The following PHB2 variants were observed in gnomAD, a reference collection of about 807,000 sequenced individuals.
PHB2 encodes the protein prohibitin-2.
In PHB2, 22 loss-of-function variants were observed where a neutral mutation model predicts 46.4. The ratio of observed to expected loss-of-function variants is 0.47; its 90% CI spans 0.34 to 0.68. The LOEUF is 0.68. PHB2 is among the 30% of genes least tolerant of loss of function. The pLI, the probability that PHB2 is intolerant of heterozygous loss-of-function variation, is 0.01. For missense variants in PHB2, 305 were observed against 382.8 expected (o/e 0.80, Z 1.70); for synonymous variants, 156 against 150.5 (o/e 1.04, Z -0.27).
chr12:6,970,617 G>C lies in PHB2; in HGVS notation c.-74C>G. ...CCGCCTCTACCCCGCTCCGGCTTAG[G>C]TACTGCACCCTTCACACGAGGGTTC... On this transcript the variant is annotated 5_prime_UTR_variant, in exon 1 of 10. Coordinates refer to ENST00000535923, the MANE Select transcript of PHB2 (RefSeq NM_001144831.2). 6.7e-7 allele frequency: 1 copy of C among 1,490,982 alleles called. No individual in the cohort carries two copies. The highest frequency in any genetic ancestry group is 9.0e-7 in the Non-Finnish European group (1 of 1,115,128). 92.4% of individuals were successfully genotyped at this position (1,490,982 alleles called of 1,614,324 possible).
rs782656809 is a variant in PHB2 at position 6,965,694 on chromosome 12, A to G, written c.891T>C (p.Gly297=). The change falls in exon 10 of 10, where the codon GGT becomes GGC. Residue 297 remains glycine, a synonymous_variant. Transcript: ENST00000535923. ...FTRGSDSLIK[G]KK ...TTCTTGGTGACTAGGCTCATTTCTTACCCTTGATGAGGCTGTCACTGTAGG... is the reference window on the plus strand; with the variant it reads ...TTCTTGGTGACTAGGCTCATTTCTTGCCCTTGATGAGGCTGTCACTGTAGG... 1.9e-6 allele frequency: 3 copies of G among 1,611,796 alleles called. No homozygotes were observed. The African/African-American group carries it at 4.0e-5, about 22-fold the overall frequency.
intron 3 of PHB2, 70 bp downstream of exon 3, chr12:6,969,428 C>T (rs1256257827): frequency 1.2e-6 from 1 of 807,896 alleles, no homozygotes; most frequent in Admixed American, 2.1e-5. Flanking sequence ...CTACCATATT[C>T]CCCTGGGGTT....
At chr12:6,965,797 C>G in intron 9 of PHB2, 85 bp from the exon 10 acceptor site, 1 of 1,546,228 alleles carries the variant, frequency 6.5e-7, no homozygotes, top group Non-Finnish European at 8.9e-7. Flanking sequence ...CCCTCTACGA[C>G]CCTCCTACCC....
chr12:6,967,351 T>TTGCG lies in PHB2; in HGVS notation c.712-107_712-104dup, dbSNP rs781935388. On this transcript the variant is annotated intron_variant, in intron 6 of 9. Transcript: ENST00000535923. This position sits in a 1 kb window ranked among gnomAD's most constrained non-coding sequence, Gnocchi z 4.9. ...CTCCTCTGGGCTGTCAGATCCAAGGTTGCGCTCAGGTGGCTTGTGCCCAGC... is the reference window on the plus strand; with the variant it reads ...CTCCTCTGGGCTGTCAGATCCAAGGTTGCGTGCGCTCAGGTGGCTTGTGCCCAGC... The TTGCG allele has an allele frequency of 3.1e-6, 5 of 1,611,148 alleles. No individual in the cohort carries two copies. Among genetic ancestry groups the TTGCG allele is most frequent in the Non-Finnish European group, 3.4e-6 (4 of 1,178,710 alleles).
At position 6,967,800 on chromosome 12, in the gene PHB2, G is replaced by A. The variant is rs1555151135; in HGVS notation, c.608-21C>T. 6 of 1,611,082 alleles carry A rather than the reference G, an allele frequency of 3.7e-6. No homozygotes were observed. Among genetic ancestry groups the A allele is most frequent in the Admixed American group, 1.7e-5 (1 of 59,894 alleles). Reference sequence around the variant, plus strand: ...CTGGGCTGTGGTGGGAGAGAGTCAGGGAGACCCTGTCCTGGGTCAGGAGCC... The same window carrying A: ...CTGGGCTGTGGTGGGAGAGAGTCAGAGAGACCCTGTCCTGGGTCAGGAGCC... On this transcript the variant is annotated intron_variant, in intron 5 of 9. Transcript: ENST00000535923. This position sits in a 1 kb window ranked among gnomAD's most constrained non-coding sequence, Gnocchi z 4.9.
At chr12:6,969,241 G>C (rs1454720034) in intron 3 of PHB2, among the ~76,000 whole-genome samples, 1 of 152,200 alleles carries the variant, frequency 6.6e-6, no homozygotes, top group Non-Finnish European at 1.5e-5. Flanking sequence ...ACAAAGCTTT[G>C]ATCTAGGCAG....
chr12:6,968,175 G>A (rs1052108985), intron 4 of PHB2, among the ~76,000 whole-genome samples, 154 bp from the exon 5 acceptor site: 3 of 152,180 alleles, frequency 2.0e-5, no homozygotes, highest in African/African-American at 7.2e-5. Flanking sequence ...CTCTCTGCTC[G>A]AAGAGGTGCA....
At chr12:6,968,884 G>A (rs1233666221) in intron 3 of PHB2, among the ~76,000 whole-genome samples, 5 of 152,158 alleles carry the variant, frequency 3.3e-5, no homozygotes, top group African/African-American at 9.7e-5. Context: ...GTGCTGTACC[G>A]TAATCATGTC....
intron 2 of PHB2, 176 bp downstream of exon 2, chr12:6,970,020 G>T: frequency 1.4e-6 from 1 of 706,756 alleles, no homozygotes; most frequent in Non-Finnish European, 2.6e-6. Context: ...TGTCCCTCTG[G>T]AAAACAACAG....
At position 6,968,497 on chromosome 12, in the gene PHB2, G is replaced by C. The variant is rs782322400; in HGVS notation, c.391C>G (p.Arg131Gly). Reference sequence around the variant, plus strand: ...TCGTTGACAATGGACGGCAACACTCGTTCCTCGTAGTCCAGCCCTAGGCGC... The same window carrying C: ...TCGTTGACAATGGACGGCAACACTCCTTCCTCGTAGTCCAGCCCTAGGCGC... Reference protein sequence around the residue: ...YQRLGLDYEERVLPSIVNEVL... With the variant: ...YQRLGLDYEEGVLPSIVNEVL... The change falls in exon 4 of 10, where the codon CGA becomes GGA. Residue 131 changes from arginine to glycine, a missense_variant. Arg to Gly is a moderately radical substitution (Grantham distance 125). This residue lies in a region of PHB2 where 241 missense variants were observed against 302.7 expected (regional missense o/e 0.80). Coordinates refer to ENST00000535923, the MANE Select transcript of PHB2 (RefSeq NM_001144831.2). 1 of 1,613,340 alleles carries C rather than the reference G, an allele frequency of 6.2e-7. No individual in the cohort carries two copies.
rs1946204757 is a variant in PHB2, at chr12:6,965,923, T to C, written c.867-7A>G. ...AACAACAGCTTACCTTCCCCTGTGG[T>C]GCCAGATCGCCAGATGAACAAGAAA... On this transcript the variant is annotated splice_polypyrimidine_tract_variant and splice_region_variant and intron_variant, in intron 8 of 9. Transcript: ENST00000535923. The C allele has an allele frequency of 1.9e-6, 3 of 1,598,652 alleles. No individual in the cohort carries two copies. The African/African-American group carries it at 4.0e-5, about 21-fold the overall frequency.
chr12:6,965,719 G>GA lies in PHB2; in HGVS notation c.873-8dup. On this transcript the variant is annotated splice_region_variant and splice_polypyrimidine_tract_variant and intron_variant, in intron 9 of 9. Transcript: ENST00000535923. ...ACCCTTGATGAGGCTGTCACTGTAG[G>GA]AAAAAAAAGATAGATAATGACATTA... 9.3e-6 allele frequency: 15 copies of GA among 1,609,244 alleles called. No individual in the cohort carries two copies. The highest frequency in any genetic ancestry group is 1.7e-5 in the Admixed American group (1 of 59,818).
chr12:6,968,162 A>C, intron 4 of PHB2, 141 bp from the exon 5 acceptor site: 1 of 829,790 alleles, frequency 1.2e-6, no homozygotes, highest in Non-Finnish European at 1.9e-6. Flanking sequence ...CTGTAACATA[A>C]GCCTCTCTGC....
intron 9 of PHB2, 69 bp from the exon 10 acceptor site, chr12:6,965,781 G>T: frequency 6.5e-7 from 1 of 1,549,420 alleles, no homozygotes; most frequent in Non-Finnish European, 8.9e-7. Context: ...GACACTCTAG[G>T]CCATTCCCTC....
At chr12:6,970,008 C>G (rs1555151710) in intron 2 of PHB2, 188 bp downstream of exon 2, 4 of 703,350 alleles carry the variant, frequency 5.7e-6, no homozygotes, top group South Asian at 3.0e-5. Flanking sequence ...GAGAGATTCT[C>G]TTGTCCCTCT....
Position 6,967,583 on chromosome 12 carries a change from A to G in PHB2, c.711+93T>C. 2 of 1,085,022 alleles carry G rather than the reference A, an allele frequency of 1.8e-6. No homozygotes were observed. The highest frequency in any genetic ancestry group is 2.4e-5 in the East Asian group (1 of 42,524). The allele number at this position is 1,085,022 out of a possible 1,614,324, so 67.2% of individuals were successfully genotyped here. A position where few individuals can be genotyped will look rare whatever the true frequency, so the allele number is the denominator to read the frequency against. On this transcript the variant is annotated intron_variant, in intron 6 of 9. Transcript: ENST00000535923. The surrounding 1 kb of genome is among the most constrained non-coding windows in gnomAD (Gnocchi z 4.9). Reference sequence around the variant, plus strand: ...CAAGGGCCAGAGAGCACGGAGTCGCATTCGCCTTAGTCTCATCAGCCTGCC... The same window carrying G: ...CAAGGGCCAGAGAGCACGGAGTCGCGTTCGCCTTAGTCTCATCAGCCTGCC...
In PHB2 at chr12:6,970,639, G is replaced by A. The variant is rs1210700866; in HGVS notation, c.-96C>T. 1.4e-6 allele frequency: 2 copies of A among 1,399,886 alleles called. No homozygotes were observed. Among genetic ancestry groups the A allele is most frequent in the East Asian group, 4.6e-5 (2 of 43,430 alleles). 86.7% of individuals were successfully genotyped at this position (1,399,886 alleles called of 1,614,324 possible). Reference sequence around the variant, plus strand: ...TAGGTACTGCACCCTTCACACGAGGGTTCGGGCCCGTAAGGCTGGCGAAAG... The same window carrying A: ...TAGGTACTGCACCCTTCACACGAGGATTCGGGCCCGTAAGGCTGGCGAAAG... On this transcript the variant is annotated 5_prime_UTR_variant, in exon 1 of 10. Coordinates refer to ENST00000535923, the MANE Select transcript of PHB2 (RefSeq NM_001144831.2).
chr12:6,965,985 A>C (rs1946206153), intron 8 of PHB2, 69 bp from the exon 9 acceptor site: 1 of 1,530,518 alleles, frequency 6.5e-7, no homozygotes, highest in South Asian at 1.1e-5. Flanking sequence ...TGACAGCTTC[A>C]GGCCCCACTC....
At chr12:6,965,787 C>G in intron 9 of PHB2, 75 bp from the exon 10 acceptor site, 1 of 1,534,922 alleles carries the variant, frequency 6.5e-7, no homozygotes, top group Non-Finnish European at 9.0e-7. Context: ...CTAGGCCATT[C>G]CCTCTACGAC....
Sources: gnomAD v4.1 joint callset for allele counts (sites outside exome capture counted in the v4.1 genomes callset) on GRCh38, gnomAD v4.1.1 for gene constraint, gnomAD v4.1.1 regional missense constraint, Gnocchi (gnomAD v3.1) non-coding constraint, MANE v1.5 for transcripts, NCBI Gene and HGNC (gene_info 2026-07-23, HGNC 2026-07-21) for gene names.